The following UNC79 variants were observed in gnomAD, a reference collection of about 807,000 sequenced individuals.
UNC79 encodes the protein unc-79 subunit of NALCN channel complex.
UNC79 carries 37 observed loss-of-function variants against 283.1 expected under a neutral mutation model. The observed-to-expected ratio is 0.13, with a 90% CI of 0.10 to 0.17. The LOEUF is 0.17. UNC79 is among the 10% of genes least tolerant of loss of function. The pLI is 1.00. For missense variants in UNC79, 2,272 were observed against 3,211.1 expected (o/e 0.71, Z 7.07); for synonymous variants, 1,107 against 1,200.2 (o/e 0.92, Z 1.61).
chr14:93,622,523 C>G, exon 30 of UNC79: 1 of 1,614,034 alleles, frequency 6.2e-7, no homozygotes, highest in Non-Finnish European at 8.5e-7. Flanking sequence ...GCTGGATGAT[C>G]ACCCTGACCC....
intron 1 of UNC79, among the ~76,000 whole-genome samples, chr14:93,441,500 C>A (rs958018717): frequency 6.6e-6 from 1 of 151,832 alleles, no homozygotes; most frequent in Admixed American, 6.6e-5. Flanking sequence ...TATCTAAACT[C>A]TTTCATTATG....
intron 40 of UNC79, among the ~76,000 whole-genome samples, chr14:93,664,390 A>T (rs1375415040): frequency 6.6e-6 from 1 of 152,180 alleles, no homozygotes. Context: ...ATGAAGCGGG[A>T]TTGACAATCA....
intron 40 of UNC79, among the ~76,000 whole-genome samples, chr14:93,670,588 C>T (rs2072736298): frequency 6.6e-6 from 1 of 152,214 alleles, no homozygotes; most frequent in Admixed American, 6.5e-5. Flanking sequence ...AGGAACCCTC[C>T]ATGTGTTTAG....
chr14:93,439,535 T>C (rs1439392903), intron 1 of UNC79, among the ~76,000 whole-genome samples: 1 of 152,126 alleles, frequency 6.6e-6, no homozygotes, highest in Non-Finnish European at 1.5e-5. Context: ...AGTTAGATTG[T>C]TTCATAGGTG....
intron 24 of UNC79, among the ~76,000 whole-genome samples, chr14:93,599,972 A>C (rs894271513): frequency 2.2e-4 from 33 of 151,766 alleles, no homozygotes; most frequent in African/African-American, 6.3e-4. Context: ...GAGGCCAAGG[A>C]GGGCAGATCA....
rs1298734693 is a variant in UNC79, at chr14:93,621,285, T to A, written c.4388-336T>A. Among the ~76,000 whole-genome samples the A allele has an allele frequency of 6.6e-6, 1 of 152,192 alleles. No homozygotes were observed. The highest frequency in any genetic ancestry group is 1.5e-5 in the Non-Finnish European group (1 of 68,046). On this transcript the variant is annotated intron_variant, in intron 29 of 48. Coordinates refer to ENST00000555664, the Ensembl canonical transcript of UNC79. This position sits in a 1 kb window ranked among gnomAD's most constrained non-coding sequence, Gnocchi z 4.8. ...TTTGATTTGTTGCAAAATGTTTGCT[T>A]CTCTTCCACACGATTTGAATACAGT...
Position 93,404,493 on chromosome 14 carries a change from A to AAAAAATATATATATATATATATAT in UNC79, c.-350-63177_-350-63176insAAAATATATATATATATATATATA. ...TGACAGAGTGAGACCTTCTAAAAAAAATATATATATATATATATATAAATA... is the reference window on the plus strand; with the variant it reads ...TGACAGAGTGAGACCTTCTAAAAAAAAAAAATATATATATATATATATATATATATATATATATATATATAAATA... On this transcript the variant is annotated intron_variant, in intron 1 of 49. Coordinates refer to the UNC79 transcript ENST00000256339. Among the ~76,000 whole-genome samples the AAAAAATATATATATATATATATAT allele has an allele frequency of 5.4e-4, 33 of 61,482 alleles. 1 individual carries two copies. The highest frequency in any genetic ancestry group is 3.7e-3 in the South Asian group (8 of 2,170). 40.3% of individuals were successfully genotyped at this position (61,482 alleles called of 152,430 possible). A position where few individuals can be genotyped will look rare whatever the true frequency, so the allele number is the denominator to read the frequency against.
intron 1 of UNC79, among the ~76,000 whole-genome samples, chr14:93,396,777 ATGTGTG>A (rs34727419): frequency 1.4e-5 from 2 of 144,376 alleles, no homozygotes; most frequent in Non-Finnish European, 3.0e-5. Flanking sequence ...ATGTGTGTGT[ATGTGTG>A]TGTGTGTGTG....
chr14:93,523,902 T>C, intron 7 of UNC79, 76 bp from the exon 8 acceptor site: 4 of 1,492,470 alleles, frequency 2.7e-6, no homozygotes, highest in Non-Finnish European at 3.7e-6. Flanking sequence ...AAAAAGAAAA[T>C]AGTAAAATAT....
At chr14:93,467,509 T>C (rs1373306047) in intron 1 of UNC79, among the ~76,000 whole-genome samples, 162 bp from the exon 2 acceptor site, 10 of 151,530 alleles carry the variant, frequency 6.6e-5, no homozygotes, top group Admixed American at 6.6e-4. Flanking sequence ...GGAATTCTAT[T>C]AAAAATTTAC....
intron 38 of UNC79, 64 bp from the exon 42 acceptor site, chr14:93,659,129 A>G (rs2071264598): frequency 7.4e-7 from 1 of 1,351,680 alleles, no homozygotes; most frequent in Admixed American, 2.1e-5. Flanking sequence ...TTCAGAACAT[A>G]TTTGAAGCAA....
intron 8 of UNC79, among the ~76,000 whole-genome samples, chr14:93,527,309 G>A (rs2141016490): frequency 6.6e-6 from 1 of 152,286 alleles, no homozygotes; most frequent in African/African-American, 2.4e-5. Context: ...CATATTTATT[G>A]TCTATGGCTG....
chr14:93,580,006 T>C (rs2063696689), intron 18 of UNC79, 143 bp from the exon 19 acceptor site: 2 of 742,142 alleles, frequency 2.7e-6, no homozygotes, highest in Non-Finnish European at 2.1e-6. Context: ...ATATTGTCTT[T>C]AAATAATTCA....
intron 1 of UNC79, among the ~76,000 whole-genome samples, chr14:93,436,095 A>AAAAT (rs1403619438): frequency 4.6e-5 from 7 of 152,328 alleles, no homozygotes; most frequent in African/African-American, 1.4e-4. Flanking sequence ...TGTTTGCACA[A>AAAAT]AAATCATTTC....
chr14:93,404,493 A>ATATATATATATATATATATATATAT (rs1555404554), intron 1 of UNC79, among the ~76,000 whole-genome samples: 1 of 61,500 alleles, frequency 1.6e-5, no homozygotes, highest in African/African-American at 6.7e-5. Context: ...TTCTAAAAAA[A>ATATATATATATATATATATATATAT]ATATATATAT....
chr14:93,600,478 T>C (rs2065421386), intron 24 of UNC79, 91 bp from the exon 25 acceptor site: 1 of 867,794 alleles, frequency 1.2e-6, no homozygotes, highest in Non-Finnish European at 1.8e-6. Context: ...CCTTGTTTCA[T>C]TGACTTTGCC....
chr14:93,560,739 GAGGAAGA>G (rs912323967), intron 14 of UNC79, among the ~76,000 whole-genome samples: 3 of 152,154 alleles, frequency 2.0e-5, no homozygotes, highest in African/African-American at 7.2e-5. Context: ...AGGATCCACA[GAGGAAGA>G]AGAGAGCTTG....
intron 1 of UNC79, chr14:93,347,907 C>A: frequency 1.7e-6 from 1 of 591,616 alleles, no homozygotes; most frequent in South Asian, 2.3e-5. Flanking sequence ...TTTCACTAGG[C>A]GCCTGTTTCT....
rs185089924 is a variant in UNC79, at chr14:93,582,791, C to T, written c.2803+447C>T. 2.0e-5 allele frequency among the ~76,000 whole-genome samples: 3 copies of T among 152,222 alleles called. No individual in the cohort carries two copies. The East Asian group carries it at 5.8e-4, about 29-fold the overall frequency. On this transcript the variant is annotated intron_variant, in intron 20 of 48. Coordinates refer to ENST00000555664, the Ensembl canonical transcript of UNC79. ...GGGGAGCAGCCACTTTTTCATTTGT[C>T]TCAAAGCTCTTGGGTGGACGCAATG...
Sources: gnomAD v4.1 joint callset for allele counts (sites outside exome capture counted in the v4.1 genomes callset) on GRCh38, gnomAD v4.1.1 for gene constraint, Gnocchi (gnomAD v3.1) non-coding constraint, MANE v1.5 for transcripts, NCBI Gene and HGNC (gene_info 2026-07-23, HGNC 2026-07-21) for gene names.